Variants in ZC3H11A observed in about 807,000 individuals in gnomAD.
ZC3H11A encodes the protein zinc finger CCCH domain-containing protein 11A.
ZC3H11A carries 22 observed loss-of-function variants against 90.8 expected under a neutral mutation model. That is an observed-to-expected ratio of 0.24 (90% CI 0.17 to 0.35). The LOEUF is 0.35. Ranked by LOEUF, ZC3H11A falls within the 10% of genes least tolerant of loss-of-function variation. The pLI, the probability that ZC3H11A is intolerant of heterozygous loss-of-function variation, is 1.00. For missense variants in ZC3H11A, 701 were observed against 964.9 expected, an observed-to-expected ratio of 0.73 and a Z score of 3.62; for synonymous variants, 294 against 339.8, an observed-to-expected ratio of 0.87 and a Z score of 1.48.
rs535907117 is a variant in ZC3H11A, at chr1:203,822,004, G to A, written c.174+3315G>A. On this transcript the variant is annotated intron_variant, in intron 4 of 17. Transcript: ENST00000367210. ...GATCTGCTGACCTCGTGATCCGCCC[G>A]CCTTGGCCTCCCAAAGTCCTGGGAT... Among the ~76,000 whole-genome samples the A allele has an allele frequency of 7.9e-5, 12 of 152,168 alleles. 1 individual carries two copies. The highest frequency in any genetic ancestry group is 4.1e-4 in the South Asian group (2 of 4,826).
chr1:203,812,685 G>A (rs1334022433), intron 2 of ZC3H11A, among the ~76,000 whole-genome samples: 3 of 145,178 alleles, frequency 2.1e-5, no homozygotes, highest in Admixed American at 7.2e-5. Flanking sequence ...AGGTTCAAAC[G>A]ATTCTCCTGT....
At chr1:203,828,003 A>G (rs1290809439) in intron 4 of ZC3H11A, among the ~76,000 whole-genome samples, 2 of 152,020 alleles carry the variant, frequency 1.3e-5, no homozygotes, top group African/African-American at 2.4e-5. Context: ...CTTTGATTTC[A>G]TAAACTTAAA....
intron 2 of ZC3H11A, among the ~76,000 whole-genome samples, chr1:203,815,786 G>A (rs568682498): frequency 1.3e-5 from 2 of 152,260 alleles, no homozygotes; most frequent in African/African-American, 4.8e-5. Flanking sequence ...TTGATTTCAA[G>A]TTGTAGATCA....
At chr1:203,842,115 A>ACTGGGCGG (rs1434334030) in intron 12 of ZC3H11A, among the ~76,000 whole-genome samples, 1 of 146,160 alleles carries the variant, frequency 6.8e-6, no homozygotes, top group Non-Finnish European at 1.5e-5. Flanking sequence ...CACTTCCCAG[A>ACTGGGCGG]CTGGGCGGCT....
intron 4 of ZC3H11A, among the ~76,000 whole-genome samples, chr1:203,822,622 A>G (rs1293612951): frequency 6.6e-6 from 1 of 151,992 alleles, no homozygotes; most frequent in Non-Finnish European, 1.5e-5. Flanking sequence ...CTGACCCTAC[A>G]TGAGTATATA....
At chr1:203,845,738 A>C (rs1294674132) in intron 12 of ZC3H11A, among the ~76,000 whole-genome samples, 1 of 151,976 alleles carries the variant, frequency 6.6e-6, no homozygotes, top group East Asian at 1.9e-4. Flanking sequence ...GGTCGTGGGC[A>C]CCTGTAGGCC....
At chr1:203,796,592 G>C in intron 1 of ZC3H11A, 1 of 397,184 alleles carries the variant, frequency 2.5e-6, no homozygotes, top group Non-Finnish European at 4.4e-6. Context: ...AGATAGCGAT[G>C]CTTTTTAGGG....
chr1:203,848,110 A>G (rs1295465192), intron 13 of ZC3H11A, among the ~76,000 whole-genome samples: 1 of 152,120 alleles, frequency 6.6e-6, no homozygotes, highest in African/African-American at 2.4e-5. Flanking sequence ...TGCTTGCTTC[A>G]GTCTCCCAAA....
chr1:203,800,840 A>G (rs2102414431), intron 1 of ZC3H11A: 1 of 157,706 alleles, frequency 6.3e-6, no homozygotes, highest in South Asian at 2.0e-4. Context: ...GAAATGAGAA[A>G]AAAGTACACT....
At chr1:203,824,648 A>G (rs994975926) in intron 4 of ZC3H11A, among the ~76,000 whole-genome samples, 1 of 115,232 alleles carries the variant, frequency 8.7e-6, no homozygotes, top group Non-Finnish European at 2.0e-5. Context: ...ACTGTAAACA[A>G]GTGTCCTTTT....
chr1:203,818,039 G>A (rs1250324414), intron 3 of ZC3H11A, among the ~76,000 whole-genome samples: 2 of 151,992 alleles, frequency 1.3e-5, no homozygotes, highest in African/African-American at 4.8e-5. Context: ...GAGCCCCCAC[G>A]CCCGGTGATA....
chr1:203,825,104 A>T (rs1193089173), intron 4 of ZC3H11A, among the ~76,000 whole-genome samples: 1 of 149,970 alleles, frequency 6.7e-6, no homozygotes, highest in Non-Finnish European at 1.5e-5. Flanking sequence ...AAGAAAATAG[A>T]TGTTAGATAA....
chr1:203,844,813 C>G (rs1375954310), intron 12 of ZC3H11A, among the ~76,000 whole-genome samples: 1 of 151,974 alleles, frequency 6.6e-6, no homozygotes, highest in Non-Finnish European at 1.5e-5. Flanking sequence ...TTCAGATTTG[C>G]TGTTTACTTT....
chr1:203,800,097 A>G (rs1558089317), intron 1 of ZC3H11A: 1 of 1,536,140 alleles, frequency 6.5e-7, no homozygotes, highest in East Asian at 2.4e-5. Context: ...CAAAAGCTTC[A>G]TGTTCCCTTC....
intron 14 of ZC3H11A, among the ~76,000 whole-genome samples, chr1:203,848,776 C>T (rs1034622613): frequency 6.6e-6 from 1 of 151,976 alleles, no homozygotes; most frequent in African/African-American, 2.4e-5. Context: ...TTTTTTTTAA[C>T]TGAGTTTTTT....
chr1:203,850,257 A>G (rs1688946755), intron 15 of ZC3H11A: 1 of 650,486 alleles, frequency 1.5e-6, no homozygotes, highest in Non-Finnish European at 2.6e-6. Flanking sequence ...TCTATGGTGC[A>G]TCTTTCCTCT....
chr1:203,831,695 C>T lies in ZC3H11A; in HGVS notation c.735C>T (p.His245=). ...GSSGVSSLLL[H]PEPVPGPEKE... ...CAGGAGTTTCCAGTCTTTTACTCCA[C>T]CCTGAGCCCGTTCCAGGTCCTGAAA... The change falls in exon 9 of 18, where the codon CAC becomes CAT. Residue 245 remains histidine (H), a synonymous_variant. Coordinates refer to ENST00000367210, the MANE Select transcript of ZC3H11A (RefSeq NM_001376342.1). 6.2e-7 allele frequency: 1 copy of T among 1,613,170 alleles called. No homozygotes were observed. The highest frequency in any genetic ancestry group is 8.5e-7 in the Non-Finnish European group (1 of 1,179,624).
At chr1:203,816,611 A>G (rs757399663) in intron 2 of ZC3H11A, among the ~76,000 whole-genome samples, 4 of 152,190 alleles carry the variant, frequency 2.6e-5, no homozygotes, top group Non-Finnish European at 5.9e-5. Flanking sequence ...AGCCTGGGCA[A>G]CAGAGTGAGA....
chr1:203,799,018 C>G (rs1291201428), intron 1 of ZC3H11A: 2 of 1,535,996 alleles, frequency 1.3e-6, no homozygotes, highest in African/African-American at 2.7e-5. Context: ...TTTATTGTGA[C>G]TGTACACTGG....
Sources: allele counts gnomAD v4.1 joint callset (sites outside exome capture counted in the v4.1 genomes callset), GRCh38; gene constraint gnomAD v4.1.1; transcripts MANE v1.5; gene names NCBI Gene and HGNC (gene_info 2026-07-23, HGNC 2026-07-21).